THSD7A: variants seen among roughly 807,000 people sequenced by gnomAD.
THSD7A encodes thrombospondin type 1 domain containing 7A, also known as thrombospondin type-1 domain-containing protein 7A.
In THSD7A, 96 loss-of-function variants were observed where a neutral mutation model predicts 231.3. That is an observed-to-expected ratio of 0.41 (90% confidence interval 0.35 to 0.49). THSD7A has a LOEUF of 0.49. Ranked by LOEUF, THSD7A falls within the 20% of genes least tolerant of loss-of-function variation. The pLI, the probability that THSD7A is intolerant of heterozygous loss-of-function variation, is 0.05. For synonymous variants in THSD7A, 940 were observed against 743.3 expected (o/e 1.26, Z -4.30); for missense variants, 2,290 against 2,070.2 (o/e 1.11, Z -2.06).
At chr7:11,730,681 A>T (rs758280722) in intron 1 of THSD7A, among the ~76,000 whole-genome samples, 1 of 151,626 alleles carries the variant, frequency 6.6e-6, no homozygotes, top group Non-Finnish European at 1.5e-5. Context: ...GCCATAACTC[A>T]TGTTCAGTTC....
At chr7:11,598,881 A>G (rs1780457265) in intron 2 of THSD7A, among the ~76,000 whole-genome samples, 1 of 152,096 alleles carries the variant, frequency 6.6e-6, no homozygotes, top group Non-Finnish European at 1.5e-5. Flanking sequence ...AGACACAACA[A>G]TGATTCCATT....
chr7:11,726,328 T>C (rs1003318889), intron 1 of THSD7A, among the ~76,000 whole-genome samples: 2 of 152,028 alleles, frequency 1.3e-5, no homozygotes, highest in Admixed American at 6.6e-5. Context: ...CCTCACCTCA[T>C]CTACACCTTC....
chr7:11,668,483 G>GA (rs1305087918), intron 1 of THSD7A, among the ~76,000 whole-genome samples: 1 of 35,720 alleles, frequency 2.8e-5, no homozygotes, highest in Non-Finnish European at 6.3e-5. Context: ...AAGAAAGACA[G>GA]AAAGAAAGAG....
In THSD7A at chr7:11,831,846, A is replaced by AGCGGCG; in HGVS notation, c.100_101insCGCCGC (p.Pro33_Leu34insProPro). 8.0e-7 allele frequency: 1 copy of AGCGGCG among 1,244,536 alleles called. No homozygotes were observed. Among genetic ancestry groups the AGCGGCG allele is most frequent in the Non-Finnish European group, 1.0e-6 (1 of 983,800 alleles). The allele number at this position is 1,244,536 out of a possible 1,614,324, so 77.1% of individuals were successfully genotyped here. ...CGGGCGTAGCAGCAGCAGCAGGAGCAGCGGCAGCGGCAGCGGCAGCGGCAG... is the reference window on the plus strand; with the variant it reads ...CGGGCGTAGCAGCAGCAGCAGGAGCAGCGGCGGCGGCAGCGGCAGCGGCAGCGGCAG... On this transcript the variant is annotated inframe_insertion, in exon 1 of 28. Coordinates refer to ENST00000423059, the MANE Select transcript of THSD7A (RefSeq NM_015204.3). This position sits in a 1 kb window ranked among gnomAD's most constrained non-coding sequence, Gnocchi z 5.0.
At chr7:11,567,274 G>C (rs539513619) in intron 4 of THSD7A, among the ~76,000 whole-genome samples, 1 of 152,198 alleles carries the variant, frequency 6.6e-6, no homozygotes, top group East Asian at 1.9e-4. Context: ...TCCCCCTCAA[G>C]GCAGCAGAAA....
intron 1 of THSD7A, among the ~76,000 whole-genome samples, chr7:11,719,069 C>T (rs926654413): frequency 1.3e-5 from 2 of 151,382 alleles, no homozygotes; most frequent in Non-Finnish European, 1.5e-5. Context: ...TGTGTGTATG[C>T]GCTCATGTGT....
Position 11,462,097 on chromosome 7 carries a change from C to G in THSD7A, c.2415G>C (p.Gln805His). The change falls in exon 10 of 28, where the codon CAG (glutamine) becomes CAC (histidine). Residue 805 changes from glutamine (Q) to histidine (H), a missense_variant. Physicochemically the swap from Gln to His is conservative, Grantham distance 24. Transcript: ENST00000423059. ...AGTCTCGGCCCCCGTTGGCTGGCAGCTGAATGATGACCCGATGCCTAGACT... is the reference window on the plus strand; with the variant it reads ...AGTCTCGGCCCCCGTTGGCTGGCAGGTGAATGATGACCCGATGCCTAGACT... Reference protein sequence around the residue: ...RKQSRHRVIIQLPANGGRDCT... With the variant: ...RKQSRHRVIIHLPANGGRDCT... The G allele has an allele frequency of 6.2e-7, 1 of 1,613,814 alleles. No individual in the cohort carries two copies. Among genetic ancestry groups the G allele is most frequent in the East Asian group, 2.2e-5 (1 of 44,864 alleles).
At chr7:11,608,173 C>A (rs1057419997) in intron 2 of THSD7A, among the ~76,000 whole-genome samples, 1 of 152,146 alleles carries the variant, frequency 6.6e-6, no homozygotes, top group African/African-American at 2.4e-5. Flanking sequence ...TAAATACTAC[C>A]TACCACACTT....
chr7:11,469,795 C>A, intron 9 of THSD7A, 84 bp downstream of exon 9: 2 of 923,594 alleles, frequency 2.2e-6, no homozygotes, highest in Non-Finnish European at 1.7e-6. Flanking sequence ...GCAAAACTCA[C>A]AAACATTGCT....
At chr7:11,826,487 A>AT (rs1214062364) in intron 1 of THSD7A, among the ~76,000 whole-genome samples, 1 of 152,190 alleles carries the variant, frequency 6.6e-6, no homozygotes, top group African/African-American at 2.4e-5. Context: ...CCAAGTGAAT[A>AT]TAACTAACAA....
chr7:11,464,292 A>C (rs1785616012), intron 9 of THSD7A, among the ~76,000 whole-genome samples: 1 of 152,036 alleles, frequency 6.6e-6, no homozygotes, highest in African/African-American at 2.4e-5. Context: ...TTTGTTTCCC[A>C]GTTGGTCAAA....
At chr7:11,603,502 A>T (rs1780625013) in intron 2 of THSD7A, among the ~76,000 whole-genome samples, 1 of 151,760 alleles carries the variant, frequency 6.6e-6, no homozygotes, top group South Asian at 2.1e-4. Flanking sequence ...TGGAAATACC[A>T]TTTGACCCAG....
chr7:11,788,111 T>C (rs1783845419), intron 1 of THSD7A, among the ~76,000 whole-genome samples: 1 of 152,038 alleles, frequency 6.6e-6, no homozygotes, highest in South Asian at 2.1e-4. Context: ...CAAGTACCCA[T>C]TCACCCTGTA....
At chr7:11,574,353 A>G (rs7779528) in intron 4 of THSD7A, among the ~76,000 whole-genome samples, 50,027 of 151,914 alleles carry the variant, frequency 0.33, 8,345 homozygotes, top group Middle Eastern at 0.42. Context: ...AATAATGCCT[A>G]AGACATAGAA....
intron 2 of THSD7A, among the ~76,000 whole-genome samples, chr7:11,635,042 CAGA>C (rs748227052): frequency 2.0e-5 from 3 of 152,104 alleles, no homozygotes; most frequent in African/African-American, 7.2e-5. Flanking sequence ...AGGTTCTTAA[CAGA>C]AGAAGTTAAC....
At chr7:11,616,226 T>A (rs1781098510) in intron 2 of THSD7A, among the ~76,000 whole-genome samples, 2 of 152,188 alleles carry the variant, frequency 1.3e-5, no homozygotes, top group African/African-American at 4.8e-5. Flanking sequence ...ATTTGACTCA[T>A]TTGCTACTCC....
At chr7:11,622,928 TTC>T (rs779548855) in intron 2 of THSD7A, among the ~76,000 whole-genome samples, 28 of 152,174 alleles carry the variant, frequency 1.8e-4, no homozygotes, top group Non-Finnish European at 3.7e-4. Flanking sequence ...TAGAGATATC[TTC>T]ATAGTTGTGG....
intron 4 of THSD7A, among the ~76,000 whole-genome samples, chr7:11,549,863 T>C (rs1267094527): frequency 2.0e-5 from 3 of 152,072 alleles, no homozygotes; most frequent in African/African-American, 7.2e-5. Context: ...CAAATCACCA[T>C]GGCACACATT....
chr7:11,574,882 C>T (rs1200180440), intron 4 of THSD7A, among the ~76,000 whole-genome samples: 1 of 152,074 alleles, frequency 6.6e-6, no homozygotes, highest in African/African-American at 2.4e-5. Context: ...GGTGAGATAG[C>T]TTTTCTCTAG....
Sources: gnomAD v4.1 joint callset for allele counts (sites outside exome capture counted in the v4.1 genomes callset) on GRCh38, gnomAD v4.1.1 for gene constraint, Gnocchi (gnomAD v3.1) non-coding constraint, MANE v1.5 for transcripts, NCBI Gene and HGNC (gene_info 2026-07-23, HGNC 2026-07-21) for gene names.